ZFAT: variants seen among roughly 807,000 people sequenced by gnomAD.
ZFAT encodes zinc finger and AT-hook domain containing, also known as zinc finger protein ZFAT.
ZFAT carries 64 observed loss-of-function variants against 117.7 expected under a neutral mutation model. That is an observed-to-expected ratio of 0.54 (90% CI 0.44 to 0.67). The LOEUF is 0.67. Among genes scored for constraint, ZFAT ranks in the 30% least tolerant of loss-of-function variants. The pLI is 0.00. For missense variants in ZFAT, 1,433 were observed against 1,584.5 expected, an observed-to-expected ratio of 0.90 and a Z score of 1.62; for synonymous variants, 679 against 615.0, an observed-to-expected ratio of 1.10 and a Z score of -1.54.
the ZFAT span, among the ~76,000 whole-genome samples, chr8:134,788,312 T>C: frequency 6.6e-6 from 1 of 152,152 alleles, no homozygotes. Flanking sequence ...AACACACTTT[T>C]TGGTATGTCA....
At chr8:134,608,983 T>C (rs1828114508) in intron 4 of ZFAT, 104 bp from the exon 5 acceptor site, 2 of 1,338,212 alleles carry the variant, frequency 1.5e-6, no homozygotes, top group African/African-American at 3.0e-5. Context: ...TTCTATACTG[T>C]CTGATACCCA....
intron 12 of ZFAT, among the ~76,000 whole-genome samples, chr8:134,523,260 T>C (rs1299080416): frequency 5.3e-5 from 8 of 152,188 alleles, no homozygotes; most frequent in African/African-American, 7.2e-5. Context: ...CTCTGTCCCG[T>C]GTCGCCTAGG....
At chr8:134,541,370 C>G (rs1281209000) in intron 11 of ZFAT, among the ~76,000 whole-genome samples, 4 of 152,096 alleles carry the variant, frequency 2.6e-5, no homozygotes, top group Admixed American at 6.5e-5. Context: ...CGCTCAGCCC[C>G]CTCACCATGA....
intron 11 of ZFAT, among the ~76,000 whole-genome samples, chr8:134,542,472 C>A (rs1476896515): frequency 6.6e-6 from 1 of 152,224 alleles, no homozygotes; most frequent in Non-Finnish European, 1.5e-5. Flanking sequence ...CTCAAGCAGG[C>A]CCCAGTGTGT....
At chr8:134,778,911 C>T in the ZFAT span, among the ~76,000 whole-genome samples, 48 of 152,286 alleles carry the variant, frequency 3.2e-4, 1 homozygote, top group Admixed American at 2.4e-3. Flanking sequence ...AGGATAACAA[C>T]GAAGGTGGGC....
intron 7 of ZFAT, among the ~76,000 whole-genome samples, chr8:134,590,691 A>C (rs28613979): frequency 0.064 from 7,748 of 121,682 alleles, 634 homozygotes; most frequent in African/African-American, 0.22. Context: ...ACCACCACCA[A>C]CAACAACACC....
At chr8:134,675,687 CAG>C (rs2131279579) in intron 1 of ZFAT, among the ~76,000 whole-genome samples, 1 of 151,978 alleles carries the variant, frequency 6.6e-6, no homozygotes, top group South Asian at 2.1e-4. Context: ...AGGCAACAGC[CAG>C]AGAGAAAGGT....
intron 15 of ZFAT, among the ~76,000 whole-genome samples, chr8:134,503,439 AACAGAC>A (rs1420524249): frequency 6.6e-6 from 1 of 152,240 alleles, no homozygotes; most frequent in Admixed American, 6.5e-5. Flanking sequence ...TCACTGACAA[AACAGAC>A]ACTCATACCC....
intron 11 of ZFAT, among the ~76,000 whole-genome samples, chr8:134,564,192 CAAAAAAA>C (rs55811622): frequency 1.6e-4 from 9 of 57,482 alleles, no homozygotes; most frequent in African/African-American, 4.6e-4. Context: ...GACTCCTTCT[CAAAAAAA>C]AAAAAAAAAA....
At chr8:134,811,360 C>G in the ZFAT span, among the ~76,000 whole-genome samples, 39 of 152,228 alleles carry the variant, frequency 2.6e-4, no homozygotes, top group African/African-American at 8.7e-4. Context: ...GGTACTCAGT[C>G]AATCCCAGGC....
intron 1 of ZFAT, among the ~76,000 whole-genome samples, chr8:134,667,110 AACATCAC>A (rs1237694191): frequency 2.0e-5 from 3 of 152,160 alleles, no homozygotes; most frequent in Non-Finnish European, 4.4e-5. Context: ...TAGGGAGGGG[AACATCAC>A]ACACTGGGGC....
At chr8:134,568,494 A>T (rs1411547710) in intron 10 of ZFAT, among the ~76,000 whole-genome samples, 1 of 152,234 alleles carries the variant, frequency 6.6e-6, no homozygotes, top group Non-Finnish European at 1.5e-5. Context: ...GGGGAAGCAG[A>T]GCTGATGGAA....
the ZFAT span, among the ~76,000 whole-genome samples, chr8:134,760,039 G>A: frequency 1.3e-5 from 2 of 148,344 alleles, no homozygotes; most frequent in African/African-American, 5.0e-5. Context: ...CCAGCACTTT[G>A]GGAGGCCAAG....
At chr8:134,722,195 C>T in the ZFAT span, among the ~76,000 whole-genome samples, 3 of 152,126 alleles carry the variant, frequency 2.0e-5, no homozygotes, top group Admixed American at 6.5e-5. Flanking sequence ...AGAGCCCACC[C>T]GAGGAGATGG....
chr8:134,530,740 A>T (rs1321439707), intron 12 of ZFAT, among the ~76,000 whole-genome samples: 1 of 152,184 alleles, frequency 6.6e-6, no homozygotes. Flanking sequence ...GATTGAAAAT[A>T]TTCAGGAAAA....
At chr8:134,792,284 G>C in the ZFAT span, 1 of 152,132 alleles carries the variant, frequency 6.6e-6, no homozygotes, top group African/African-American at 2.4e-5. Flanking sequence ...TACAATCCGT[G>C]AACACCTAGA....
chr8:134,590,325 C>T lies in ZFAT; in HGVS notation c.2506G>A (p.Glu836Lys), dbSNP rs1826370312. The T allele has an allele frequency of 1.2e-6, 2 of 1,613,150 alleles. No individual in the cohort carries two copies. Among genetic ancestry groups the T allele is most frequent in the Admixed American group, 1.7e-5 (1 of 59,988 alleles). The part of the protein sequence containing the change: ...DKRSYSCPVC[E>K]KSFSEDRLIK... ...AATCGATCCTCTGAAAAAGACTTTT[C>T]ACAAACAGGACAAGAATAACTCCTT... The change falls in exon 8 of 16, where the codon GAA becomes AAA. Residue 836 changes from glutamate to lysine, a missense_variant. Around this residue, in one of 5 missense-constraint regions of ZFAT, gnomAD observed 503 missense variants for 543.4 expected, o/e 0.93. Transcript: ENST00000377838.
At chr8:134,733,518 C>T in the ZFAT span, among the ~76,000 whole-genome samples, 2 of 152,252 alleles carry the variant, frequency 1.3e-5, no homozygotes, top group Non-Finnish European at 2.9e-5. Context: ...TCTTTATCTG[C>T]TGGACCTATT....
At chr8:134,700,898 G>A (rs1463658695) in intron 1 of ZFAT, among the ~76,000 whole-genome samples, 2 of 152,186 alleles carry the variant, frequency 1.3e-5, no homozygotes, top group East Asian at 3.9e-4. Flanking sequence ...CGAGAGACAG[G>A]GTTGTGTCGC....
Sources: gnomAD v4.1 joint callset for allele counts (sites outside exome capture counted in the v4.1 genomes callset) on GRCh38, gnomAD v4.1.1 for gene constraint, gnomAD v4.1.1 regional missense constraint, MANE v1.5 for transcripts, NCBI Gene and HGNC (gene_info 2026-07-23, HGNC 2026-07-21) for gene names.